The following EPB41L4A variants were observed in gnomAD, a reference collection of about 807,000 sequenced individuals.
The protein encoded by EPB41L4A is erythrocyte membrane protein band 4.1 like 4A.
In EPB41L4A, 100 loss-of-function variants were observed where a neutral mutation model predicts 108.6. That is an observed-to-expected ratio of 0.92 (90% CI 0.78 to 1.09). EPB41L4A has a LOEUF of 1.09. Ranked by LOEUF, EPB41L4A falls within the 50% of genes least tolerant of loss-of-function variation. The pLI is 0.00. For missense variants in EPB41L4A, 1,030 were observed against 842.7 expected (o/e 1.22, Z -2.75); for synonymous variants, 319 against 289.0 (o/e 1.10, Z -1.05).
intron 2 of EPB41L4A, among the ~76,000 whole-genome samples, chr5:112,307,078 C>T (rs919615438): frequency 2.6e-5 from 4 of 152,102 alleles, no homozygotes; most frequent in Admixed American, 6.6e-5. Context: ...ACATATTAAA[C>T]GACATATTCA....
chr5:112,362,021 T>G (rs1426072153), intron 1 of EPB41L4A, among the ~76,000 whole-genome samples: 1 of 152,256 alleles, frequency 6.6e-6, no homozygotes, highest in African/African-American at 2.4e-5. Context: ...TTGGTCTTGT[T>G]GGCAATACCA....
intron 1 of EPB41L4A, among the ~76,000 whole-genome samples, chr5:112,387,234 C>T (rs963407231): frequency 6.6e-6 from 1 of 152,174 alleles, no homozygotes; most frequent in Non-Finnish European, 1.5e-5. Context: ...TCTGAGAGAC[C>T]ACGTCCAATA....
intron 15 of EPB41L4A, among the ~76,000 whole-genome samples, chr5:112,200,923 A>G (rs1221987013): frequency 6.6e-6 from 1 of 152,206 alleles, no homozygotes; most frequent in Non-Finnish European, 1.5e-5. Context: ...TTTGACATCT[A>G]TTGCAAAGTG....
intron 11 of EPB41L4A, among the ~76,000 whole-genome samples, chr5:112,239,332 T>C (rs1462159804): frequency 6.6e-6 from 1 of 152,216 alleles, no homozygotes; most frequent in Non-Finnish European, 1.5e-5. Context: ...ACACAATTAG[T>C]TACTATTCAG....
intron 9 of EPB41L4A, among the ~76,000 whole-genome samples, chr5:112,247,045 G>C (rs939947071): frequency 2.0e-5 from 3 of 152,216 alleles, no homozygotes; most frequent in African/African-American, 7.2e-5. Flanking sequence ...AGACCAGCCA[G>C]GTTTGTGTAA....
intron 1 of EPB41L4A, among the ~76,000 whole-genome samples, chr5:112,316,384 G>A (rs561563975): frequency 3.3e-5 from 5 of 152,148 alleles, no homozygotes; most frequent in African/African-American, 9.6e-5. Flanking sequence ...TAGTTCTCTG[G>A]GAAAACTTAA....
In EPB41L4A at chr5:112,256,726, G is replaced by A. The variant is rs370252421; in HGVS notation, c.795+2503C>T. 1.1e-4 allele frequency: 16 copies of A among 152,232 alleles called. No individual in the cohort carries two copies. The East Asian group carries it at 2.9e-3, about 28-fold the overall frequency. The allele number at this position is 152,232 out of a possible 1,614,324, so 9.4% of individuals were successfully genotyped here. ...AAAGCATGTACAAAACCACATAGGGGATAATCTACATGTATGTATAAATAT... is the reference window on the plus strand; with the variant it reads ...AAAGCATGTACAAAACCACATAGGGAATAATCTACATGTATGTATAAATAT... On this transcript the variant is annotated intron_variant, in intron 9 of 22. Transcript: ENST00000261486.
chr5:112,161,189 G>A (rs1759876561), downstream of EPB41L4A: 1 of 253,494 alleles, frequency 3.9e-6, no homozygotes, highest in African/African-American at 2.3e-5. Context: ...CCGTATAACT[G>A]ACTTTATGCT....
chr5:112,345,502 T>C (rs958357568), intron 1 of EPB41L4A, among the ~76,000 whole-genome samples: 1 of 152,130 alleles, frequency 6.6e-6, no homozygotes, highest in African/African-American at 2.4e-5. Context: ...GAAGGAAATA[T>C]ACAAAAATGT....
At position 112,264,995 on chromosome 5, in the gene EPB41L4A, G is replaced by T; in HGVS notation, c.455C>A (p.Pro152Gln). 6.2e-7 allele frequency: 1 copy of T among 1,602,442 alleles called. No individual in the cohort carries two copies. The highest frequency in any genetic ancestry group is 8.5e-7 in the Non-Finnish European group (1 of 1,176,054). The change falls in exon 6 of 23, where the codon CCA (proline) becomes CAA (glutamine). Residue 152 changes from proline to glutamine, a missense_variant. By Grantham distance (76) the Pro-to-Gln change is moderately conservative. Transcript: ENST00000261486. ...AIQSELGDYD[P>Q]YKHTAGYVSE... Reference sequence around the variant, plus strand: ...TACATATCCTGCAGTATGTTTATATGGGTCATAATCTCCAAGCTCCGCTAA... The same window carrying T: ...TACATATCCTGCAGTATGTTTATATTGGTCATAATCTCCAAGCTCCGCTAA...
intron 9 of EPB41L4A, among the ~76,000 whole-genome samples, chr5:112,253,758 A>G (rs1401123439): frequency 6.6e-6 from 1 of 152,238 alleles, no homozygotes; most frequent in Non-Finnish European, 1.5e-5. Flanking sequence ...AATGTTAACC[A>G]TAAGTGACTC....
intron 1 of EPB41L4A, among the ~76,000 whole-genome samples, chr5:112,313,858 C>CTTTTTTTTTTTT (rs1188991050): frequency 2.2e-5 from 2 of 89,480 alleles, no homozygotes; most frequent in African/African-American, 4.6e-5. Flanking sequence ...AGGTAACTTT[C>CTTTTTTTTTTTT]TTTTTTTTTT....
At chr5:112,311,937 C>G (rs1755079497) in intron 1 of EPB41L4A, among the ~76,000 whole-genome samples, 1 of 152,166 alleles carries the variant, frequency 6.6e-6, no homozygotes, top group Non-Finnish European at 1.5e-5. Context: ...CCTAATTCTT[C>G]TATCCCAAAC....
At chr5:112,204,566 T>A in intron 14 of EPB41L4A, 78 bp from the exon 15 acceptor site, 1 of 846,412 alleles carries the variant, frequency 1.2e-6, no homozygotes. Flanking sequence ...GACCTATTCA[T>A]AACTGCACAG....
In EPB41L4A at chr5:112,419,228, G is replaced by A. The variant is rs538070633; in HGVS notation, c.-189C>T. 5.8e-4 allele frequency: 270 copies of A among 462,596 alleles called. 2 individuals are homozygous for A. Among genetic ancestry groups the A allele is most frequent in the African/African-American group, 5.3e-3 (253 of 47,550 alleles). The allele number at this position is 462,596 out of a possible 1,614,324, so 28.7% of individuals were successfully genotyped here. A position where few individuals can be genotyped will look rare whatever the true frequency, so the allele number is the denominator to read the frequency against. On this transcript the variant is annotated 5_prime_UTR_variant, in exon 1 of 23. Transcript: ENST00000261486. ...GGGCGGGAGCGAGAAAGGCGGAAAA[G>A]CCCGGGAGAGTCAGCGCCCGGGAGC...
intron 1 of EPB41L4A, among the ~76,000 whole-genome samples, chr5:112,404,169 A>G (rs980738391): frequency 5.9e-5 from 9 of 152,344 alleles, no homozygotes; most frequent in South Asian, 4.1e-4. Flanking sequence ...CTATCTAACT[A>G]TATCATCTCT....
At chr5:112,270,619 AC>A (rs1483067490) in intron 4 of EPB41L4A, among the ~76,000 whole-genome samples, 1 of 152,190 alleles carries the variant, frequency 6.6e-6, no homozygotes, top group African/African-American at 2.4e-5. Flanking sequence ...TTTAAAGTTC[AC>A]AAAGTCCTTT....
chr5:112,360,614 G>A (rs1012838842), intron 1 of EPB41L4A, among the ~76,000 whole-genome samples: 10 of 152,138 alleles, frequency 6.6e-5, no homozygotes, highest in East Asian at 1.9e-4. Context: ...GCGTGATCTC[G>A]GCTCGCTACA....
intron 1 of EPB41L4A, among the ~76,000 whole-genome samples, chr5:112,346,112 C>T (rs894602458): frequency 6.7e-6 from 1 of 149,032 alleles, no homozygotes; most frequent in Admixed American, 6.8e-5. Context: ...AGACTGCCAT[C>T]GTTTTGGGAT....
Sources: allele counts gnomAD v4.1 joint callset (sites outside exome capture counted in the v4.1 genomes callset), GRCh38; gene constraint gnomAD v4.1.1; transcripts MANE v1.5; gene names NCBI Gene and HGNC (gene_info 2026-07-23, HGNC 2026-07-21).